SSBP2: variants seen among roughly 807,000 people sequenced by gnomAD.
The protein encoded by SSBP2 is single-stranded DNA-binding protein 2.
Under a neutral mutation model 61.8 loss-of-function variants are expected in SSBP2, and 17 were observed. The ratio of observed to expected loss-of-function variants is 0.28; its 90% CI spans 0.19 to 0.41. SSBP2 has a LOEUF of 0.41. Among genes scored for constraint, SSBP2 ranks in the 10% least tolerant of loss-of-function variants. SSBP2 has a pLI of 1.00. For missense variants in SSBP2, 310 were observed against 458.7 expected, an observed-to-expected ratio of 0.68 and a Z score of 2.96; for synonymous variants, 139 against 141.3, an observed-to-expected ratio of 0.98 and a Z score of 0.12.
chr5:81,725,738 TAC>T (rs1169926540), intron 1 of SSBP2, among the ~76,000 whole-genome samples: 1 of 152,112 alleles, frequency 6.6e-6, no homozygotes, highest in Non-Finnish European at 1.5e-5. Flanking sequence ...GGCACTGAAA[TAC>T]AGTTTTAAAA....
At chr5:81,669,266 C>T (rs1254100027) in intron 1 of SSBP2, among the ~76,000 whole-genome samples, 2 of 152,182 alleles carry the variant, frequency 1.3e-5, no homozygotes, top group African/African-American at 4.8e-5. Flanking sequence ...CTTTGGAAGA[C>T]AGTTTGGCAA....
At chr5:81,548,993 A>G (rs977060627) in intron 4 of SSBP2, among the ~76,000 whole-genome samples, 45 of 152,194 alleles carry the variant, frequency 3.0e-4, no homozygotes, top group African/African-American at 1.0e-3. Flanking sequence ...TTTAACTGAC[A>G]TTATATTTAT....
intron 1 of SSBP2, among the ~76,000 whole-genome samples, chr5:81,713,151 A>G (rs1439847304): frequency 1.3e-5 from 2 of 152,176 alleles, no homozygotes; most frequent in African/African-American, 4.8e-5. Flanking sequence ...AAACAGACAA[A>G]AGAGCAAATA....
At chr5:81,453,552 G>A (rs1245226073) in intron 10 of SSBP2, among the ~76,000 whole-genome samples, 5 of 151,162 alleles carry the variant, frequency 3.3e-5, no homozygotes, top group Admixed American at 6.6e-5. Context: ...CGCCCCCCGG[G>A]TTCACGCCAT....
intron 5 of SSBP2, among the ~76,000 whole-genome samples, chr5:81,507,650 T>C (rs934237530): frequency 4.6e-5 from 7 of 152,132 alleles, no homozygotes; most frequent in Admixed American, 2.0e-4. Context: ...AAGGAAGTTA[T>C]AGTTTCCTTC....
At chr5:81,572,496 A>C (rs1220968768) in intron 4 of SSBP2, among the ~76,000 whole-genome samples, 2 of 152,226 alleles carry the variant, frequency 1.3e-5, no homozygotes, top group African/African-American at 2.4e-5. Flanking sequence ...ACTTATTTAC[A>C]TTAGATTTAC....
chr5:81,466,766 T>C (rs934148840), intron 9 of SSBP2, among the ~76,000 whole-genome samples: 6 of 152,092 alleles, frequency 3.9e-5, no homozygotes, highest in African/African-American at 1.2e-4. Flanking sequence ...TAAGAGATTA[T>C]GTTGTGAAAA....
intron 4 of SSBP2, among the ~76,000 whole-genome samples, chr5:81,521,827 A>G (rs764481583): frequency 1.3e-5 from 2 of 151,964 alleles, no homozygotes; most frequent in Non-Finnish European, 2.9e-5. Flanking sequence ...AAACCTCACA[A>G]GGGTCATTTT....
intron 1 of SSBP2, among the ~76,000 whole-genome samples, chr5:81,678,977 A>G (rs1752192828): frequency 6.6e-6 from 1 of 152,194 alleles, no homozygotes; most frequent in Admixed American, 6.6e-5. Context: ...AGAGCATTAT[A>G]GAATGAATAA....
At chr5:81,492,479 G>T (rs1188832471) in intron 5 of SSBP2, among the ~76,000 whole-genome samples, 2 of 152,150 alleles carry the variant, frequency 1.3e-5, no homozygotes, top group African/African-American at 4.8e-5. Context: ...ACTTCAGCCT[G>T]GGTGACAGAG....
At chr5:81,712,954 CTGGGCTCA>C (rs1754900874) in intron 1 of SSBP2, among the ~76,000 whole-genome samples, 1 of 151,816 alleles carries the variant, frequency 6.6e-6, no homozygotes, top group Non-Finnish European at 1.5e-5. Flanking sequence ...TCCTGAACTT[CTGGGCTCA>C]AGCAATCCAC....
intron 2 of SSBP2, among the ~76,000 whole-genome samples, chr5:81,640,369 T>C (rs1182110042): frequency 1.3e-5 from 2 of 151,964 alleles, no homozygotes; most frequent in Admixed American, 6.6e-5. Context: ...ATAATAATAA[T>C]GTAATAGCCA....
intron 10 of SSBP2, among the ~76,000 whole-genome samples, chr5:81,450,466 G>A (rs963388026): frequency 5.9e-5 from 9 of 152,022 alleles, no homozygotes; most frequent in African/African-American, 2.2e-4. Context: ...TCATTCTTAA[G>A]CAACTTTAAG....
chr5:81,461,487 G>A (rs760571840), intron 9 of SSBP2, among the ~76,000 whole-genome samples: 1 of 151,748 alleles, frequency 6.6e-6, no homozygotes, highest in Non-Finnish European at 1.5e-5. Flanking sequence ...TGAGCTTCCT[G>A]TATCTCATTC....
At chr5:81,624,412 A>C (rs2153637114) in intron 3 of SSBP2, among the ~76,000 whole-genome samples, 1 of 152,272 alleles carries the variant, frequency 6.6e-6, no homozygotes, top group South Asian at 2.1e-4. Flanking sequence ...TGGGACCAGA[A>C]GTGCTTCAGA....
At chr5:81,529,383 G>A (rs1770219368) in intron 4 of SSBP2, among the ~76,000 whole-genome samples, 1 of 152,130 alleles carries the variant, frequency 6.6e-6, no homozygotes, top group South Asian at 2.1e-4. Flanking sequence ...CTATGTTTGT[G>A]AGAAACTTGC....
rs1232260620 is a variant in SSBP2 at position 81,437,522 on chromosome 5, CTTTAA to C, written c.929-69_929-65del. 2.9e-6 allele frequency: 4 copies of C among 1,381,742 alleles called. No individual in the cohort carries two copies. In the African/African-American group the frequency reaches 4.4e-5, roughly 15 times the overall value. 85.6% of individuals were successfully genotyped at this position (1,381,742 alleles called of 1,614,324 possible). A position where few individuals can be genotyped will look rare whatever the true frequency, so the allele number is the denominator to read the frequency against. On this transcript the variant is annotated intron_variant, in intron 14 of 16. Coordinates refer to ENST00000320672, the MANE Select transcript of SSBP2 (RefSeq NM_012446.5). ...GATTTCATTTATAAATTAAACACTC[CTTTAA>C]TTTAAATAAGTGAAGTATACTATAT...
At chr5:81,541,777 A>G (rs1367219057) in intron 4 of SSBP2, among the ~76,000 whole-genome samples, 1 of 152,198 alleles carries the variant, frequency 6.6e-6, no homozygotes, top group African/African-American at 2.4e-5. Flanking sequence ...AACTCAAAAT[A>G]AAGTATAGGT....
chr5:81,563,880 A>G (rs889333385), intron 4 of SSBP2, among the ~76,000 whole-genome samples: 1 of 152,210 alleles, frequency 6.6e-6, no homozygotes, highest in Non-Finnish European at 1.5e-5. Context: ...AAAAGCAAAA[A>G]TAAGTGAGAC....
Sources: allele counts gnomAD v4.1 joint callset (sites outside exome capture counted in the v4.1 genomes callset), GRCh38; gene constraint gnomAD v4.1.1; transcripts MANE v1.5; gene names NCBI Gene and HGNC (gene_info 2026-07-23, HGNC 2026-07-21).